Variants in TRUB2 observed in about 807,000 individuals in gnomAD.
TRUB2 encodes the protein TruB pseudouridine synthase family member 2.
A neutral mutation model predicts 31.9 loss-of-function variants in TRUB2; 31 were observed. The ratio of observed to expected loss-of-function variants is 0.97; its 90% CI spans 0.73 to 1.31. TRUB2 has a LOEUF of 1.31. Ranked by LOEUF, TRUB2 falls within the 50% of genes most tolerant of loss-of-function variation. The pLI, the probability that TRUB2 is intolerant of heterozygous loss-of-function variation, is 0.00. For missense variants in TRUB2, 451 were observed against 439.6 expected, an observed-to-expected ratio of 1.03 and a Z score of -0.23; for synonymous variants, 201 against 182.6, an observed-to-expected ratio of 1.10 and a Z score of -0.81.
chr9:128,315,010 C>A (rs1051296067), intron 4 of TRUB2, among the ~76,000 whole-genome samples: 1 of 152,290 alleles, frequency 6.6e-6, no homozygotes, highest in East Asian at 1.9e-4. Context: ...AGAATTTGTG[C>A]CCTTAACCAC....
At chr9:128,317,255 C>T (rs1357046531) in intron 2 of TRUB2, 29 bp from the exon 3 acceptor site, 8 of 1,574,320 alleles carry the variant, frequency 5.1e-6, no homozygotes, top group Non-Finnish European at 6.9e-6. Context: ...GGTCCATTTT[C>T]TCAACTAAAT....
intron 7 of TRUB2, 91 bp downstream of exon 7, chr9:128,310,796 C>T: frequency 1.3e-6 from 2 of 1,549,736 alleles, no homozygotes; most frequent in Middle Eastern, 1.7e-4. Flanking sequence ...TCAGCTGAGC[C>T]AGACAACAGT....
At chr9:128,317,614 A>C (rs926528193) in intron 2 of TRUB2, among the ~76,000 whole-genome samples, 4 of 152,206 alleles carry the variant, frequency 2.6e-5, no homozygotes, top group Non-Finnish European at 5.9e-5. Context: ...TGCTCAGGAA[A>C]GAACTACTGA....
rs148287853 is a variant in TRUB2, at chr9:128,309,619, A to G, written c.927T>C (p.Ser309=). The G allele has an allele frequency of 5.2e-5, 84 of 1,613,996 alleles. No individual in the cohort carries two copies. The African/African-American group carries it at 8.9e-4, about 17-fold the overall frequency. ...CCTGGGAGTCCCAGGACCATCCCGG[A>G]CTGGGGAGCTGCTTGGTGTCCAGCC... is the stretch of plus-strand genomic sequence containing the variant. ...SPGLDTKQLP[S]PGWSWDSQGP... Residue 309 remains serine, a synonymous_variant, in exon 8 of 8, where the codon AGT becomes AGC. Transcript: ENST00000372890.
intron 6 of TRUB2, 98 bp from the exon 7 acceptor site, chr9:128,311,121 T>C (rs922399926): frequency 6.6e-7 from 1 of 1,516,136 alleles, no homozygotes; most frequent in Non-Finnish European, 8.9e-7. Context: ...TTGTGTGCCC[T>C]GCCACCGTGG....
rs1452986710 is a variant in TRUB2, at chr9:128,309,522, T to A, written c.*28A>T. ...TCATAGCAGTTCTTCTATTTATCCA[T>A]CCACTGCCCCAGGAGCTGCCTGGGC... On this transcript the variant is annotated 3_prime_UTR_variant, in exon 8 of 8. Coordinates refer to ENST00000372890, the MANE Select transcript of TRUB2 (RefSeq NM_015679.3). 5 of 1,589,926 alleles carry A rather than the reference T, an allele frequency of 3.1e-6. No individual in the cohort carries two copies. In the Admixed American group the frequency reaches 8.6e-5, roughly 27 times the overall value.
chr9:128,310,289 A>G (rs1475483897), intron 7 of TRUB2, among the ~76,000 whole-genome samples: 2 of 152,020 alleles, frequency 1.3e-5, no homozygotes, highest in East Asian at 3.9e-4. Context: ...GGGTCTCGCC[A>G]TCTTGCCCAG....
At position 128,305,340 on chromosome 9, in the gene TRUB2, G is replaced by A. The variant is rs79387874; in HGVS notation, c.*4210C>T. 6,607 of 152,440 alleles carry A rather than the reference G, an allele frequency of 0.043. 263 individuals carry two copies. Among genetic ancestry groups the A allele is most frequent in the East Asian group, 0.2 (1,026 of 5,162 alleles). The allele number at this position is 152,440 out of a possible 1,614,324, so 9.4% of individuals were successfully genotyped here. A position where few individuals can be genotyped will look rare whatever the true frequency, so the allele number is the denominator to read the frequency against. On this transcript the variant is annotated 3_prime_UTR_variant, in exon 8 of 8. Coordinates refer to ENST00000372890, the MANE Select transcript of TRUB2 (RefSeq NM_015679.3). ...TCATACAGGCAGGCAATTGGCAGAC[G>A]TGGGGGCCTGTGGATTTGTCAGCAA...
At chr9:128,312,520 T>C (rs945369150) in intron 5 of TRUB2, among the ~76,000 whole-genome samples, 1 of 151,466 alleles carries the variant, frequency 6.6e-6, no homozygotes, top group Non-Finnish European at 1.5e-5. Context: ...AAACTTCACC[T>C]CCTAGGTTCA....
intron 5 of TRUB2, among the ~76,000 whole-genome samples, chr9:128,313,245 G>GGCT (rs1382706500): frequency 1.4e-5 from 2 of 141,924 alleles, no homozygotes; most frequent in Non-Finnish European, 3.1e-5. Flanking sequence ...GAAAAGGAAA[G>GGCT]GCTGGGCGCG....
rs1188705870 is a variant in TRUB2, at chr9:128,309,231, A to T, written c.*319T>A. ...CAGTGGCTATTCACAGGCGCCGTCTAGCGCACTACAACCTTAAACTCCTGG... is the reference window on the plus strand; with the variant it reads ...CAGTGGCTATTCACAGGCGCCGTCTTGCGCACTACAACCTTAAACTCCTGG... On this transcript the variant is annotated 3_prime_UTR_variant, in exon 8 of 8. Coordinates refer to ENST00000372890, the MANE Select transcript of TRUB2 (RefSeq NM_015679.3). 8.9e-6 allele frequency: 3 copies of T among 336,894 alleles called. No individual in the cohort carries two copies. The highest frequency in any genetic ancestry group is 1.7e-3 in the Middle Eastern group (2 of 1,184). 20.9% of individuals were successfully genotyped at this position (336,894 alleles called of 1,614,324 possible). A position where few individuals can be genotyped will look rare whatever the true frequency, so the allele number is the denominator to read the frequency against.
Position 128,322,298 on chromosome 9 carries a change from A to C in TRUB2, c.109+2T>G. On this transcript the variant is annotated splice_donor_variant, in intron 1 of 7. Coordinates refer to ENST00000372890, the MANE Select transcript of TRUB2 (RefSeq NM_015679.3). LOFTEE classifies it high-confidence loss of function. The stretch of plus-strand genomic sequence containing the variant: ...AACGTGGGTCTGGTTCGAGGCACTC[A>C]CCCTTCAGAAGTTGTAGCTCCACTG... The C allele has an allele frequency of 1.9e-6, 3 of 1,613,050 alleles. No individual in the cohort carries two copies. The highest frequency in any genetic ancestry group is 2.5e-6 in the Non-Finnish European group (3 of 1,179,068).
At chr9:128,320,493 T>C (rs1358157239) in intron 2 of TRUB2, among the ~76,000 whole-genome samples, 1 of 150,922 alleles carries the variant, frequency 6.6e-6, no homozygotes, top group Non-Finnish European at 1.5e-5. Context: ...CCACCACACC[T>C]GTCTAATTTT....
chr9:128,315,102 T>TG (rs1832044345), intron 4 of TRUB2, among the ~76,000 whole-genome samples: 1 of 152,136 alleles, frequency 6.6e-6, no homozygotes. Flanking sequence ...CACCTCTGGA[T>TG]GGTAAGCTCC....
chr9:128,311,204 G>T, intron 6 of TRUB2, 181 bp from the exon 7 acceptor site: 1 of 795,974 alleles, frequency 1.3e-6, no homozygotes, highest in Non-Finnish European at 1.9e-6. Context: ...AGGCAAGCTG[G>T]CTCCAGAGCC....
At chr9:128,321,802 CA>C in intron 1 of TRUB2, 72 bp from the exon 2 acceptor site, 2 of 1,481,044 alleles carry the variant, frequency 1.4e-6, no homozygotes, top group Non-Finnish European at 1.8e-6. Flanking sequence ...TTTTAAGAGA[CA>C]GGGCCTCGTT....
At position 128,311,698 on chromosome 9, in the gene TRUB2, G is replaced by A. The variant is rs1368353117; in HGVS notation, c.461-97C>T. ...AGGCCAGCCCCATCCCTGGAACATG[G>A]AGAGAGGATGTTTTGGAGGGATCCC... On this transcript the variant is annotated intron_variant, in intron 5 of 7. Transcript: ENST00000372890. The A allele has an allele frequency of 3.8e-6, 5 of 1,330,838 alleles. No individual in the cohort carries two copies. In the Admixed American group the frequency reaches 9.5e-5, roughly 25 times the overall value. The allele number at this position is 1,330,838 out of a possible 1,614,324, so 82.4% of individuals were successfully genotyped here. A position where few individuals can be genotyped will look rare whatever the true frequency, so the allele number is the denominator to read the frequency against.
intron 2 of TRUB2, among the ~76,000 whole-genome samples, chr9:128,319,886 A>G (rs1305244422): frequency 6.9e-6 from 1 of 145,610 alleles, no homozygotes; most frequent in Non-Finnish European, 1.5e-5. Context: ...CCCAAAGTGC[A>G]GCGATTACAG....
At chr9:128,315,022 A>G (rs1832042600) in intron 4 of TRUB2, among the ~76,000 whole-genome samples, 1 of 152,302 alleles carries the variant, frequency 6.6e-6, no homozygotes, top group Non-Finnish European at 1.5e-5. Flanking sequence ...CTTAACCACT[A>G]AAAACATGGG....
Sources: gnomAD v4.1 joint callset for allele counts (sites outside exome capture counted in the v4.1 genomes callset) on GRCh38, gnomAD v4.1.1 for gene constraint, MANE v1.5 for transcripts, NCBI Gene and HGNC (gene_info 2026-07-23, HGNC 2026-07-21) for gene names.